SORCS2: variants seen among roughly 807,000 people sequenced by gnomAD.
SORCS2 encodes sortilin related VPS10 domain containing receptor 2, also known as VPS10 domain-containing receptor SorCS2.
Under a neutral mutation model 141.6 loss-of-function variants are expected in SORCS2, and 100 were observed. The ratio of observed to expected loss-of-function variants is 0.71; its 90% CI spans 0.60 to 0.83. The LOEUF (loss-of-function observed/expected upper bound fraction) is 0.83. SORCS2 is among the 40% of genes least tolerant of loss of function. SORCS2 has a pLI of 0.00. For missense variants in SORCS2, 1,646 were observed against 1,560.2 expected (o/e 1.05, Z -0.93); for synonymous variants, 789 against 676.9 (o/e 1.17, Z -2.57).
intron 2 of SORCS2, among the ~76,000 whole-genome samples, chr4:7,417,703 G>A (rs549398031): frequency 2.5e-4 from 38 of 152,308 alleles, no homozygotes; most frequent in African/African-American, 8.9e-4. Context: ...CTGGGCCTCG[G>A]CTTGCCCAGG....
chr4:7,254,605 T>C (rs181089812), intron 1 of SORCS2, among the ~76,000 whole-genome samples: 16 of 152,308 alleles, frequency 1.1e-4, no homozygotes, highest in Admixed American at 9.2e-4. Context: ...ACCATCTATG[T>C]GTATAACAAA....
chr4:7,373,478 A>ATATATATATATATATTTTTTTTTT (rs1470691140), intron 1 of SORCS2, among the ~76,000 whole-genome samples: 1 of 36,818 alleles, frequency 2.7e-5, no homozygotes, highest in Non-Finnish European at 4.1e-5. Flanking sequence ...ATATATATAT[A>ATATATATATATATATTTTTTTTTT]TTTTTTTTTT....
intron 3 of SORCS2, among the ~76,000 whole-genome samples, chr4:7,626,527 C>T (rs375789764): frequency 6.6e-6 from 1 of 152,196 alleles, no homozygotes; most frequent in Non-Finnish European, 1.5e-5. Context: ...TGCTTCATGC[C>T]TCTGTCTCTA....
At chr4:7,633,595 T>C (rs1720038313) in intron 3 of SORCS2, among the ~76,000 whole-genome samples, 1 of 133,320 alleles carries the variant, frequency 7.5e-6, no homozygotes, top group South Asian at 2.4e-4. Context: ...GAATGAGCCT[T>C]CATTCATGTG....
chr4:7,616,749 C>T lies in SORCS2; in HGVS notation c.649-21579C>T, dbSNP rs117316160. Among the ~76,000 whole-genome samples, 7 of 152,368 alleles carry T rather than the reference C, an allele frequency of 4.6e-5. No individual in the cohort carries two copies. In the East Asian group the frequency reaches 1.3e-3, roughly 29 times the overall value. ...GGCTATTACAGGGACATGCTTTATACTCATAACTTAAAGAGCTTGTTTTAA... is the reference window on the plus strand; with the variant it reads ...GGCTATTACAGGGACATGCTTTATATTCATAACTTAAAGAGCTTGTTTTAA... On this transcript the variant is annotated intron_variant, in intron 3 of 26. Coordinates refer to ENST00000507866, the MANE Select transcript of SORCS2 (RefSeq NM_020777.3).
chr4:7,451,526 C>G (rs1465643450), intron 2 of SORCS2, among the ~76,000 whole-genome samples: 1 of 152,270 alleles, frequency 6.6e-6, no homozygotes, highest in Non-Finnish European at 1.5e-5. Flanking sequence ...GAAGAGTGTT[C>G]AGTGGTGACA....
intron 12 of SORCS2, among the ~76,000 whole-genome samples, chr4:7,699,973 G>C (rs1472107316): frequency 2.0e-5 from 3 of 152,172 alleles, no homozygotes; most frequent in Non-Finnish European, 2.9e-5. Context: ...ATGTGCTCTT[G>C]TGACTCCCCA....
chr4:7,232,574 A>T (rs746429948), intron 1 of SORCS2, among the ~76,000 whole-genome samples: 4 of 152,064 alleles, frequency 2.6e-5, no homozygotes, highest in Admixed American at 6.5e-5. Context: ...GTGGTCCGTG[A>T]CCTTTAGACT....
At chr4:7,519,449 T>C (rs1171203628) in intron 2 of SORCS2, among the ~76,000 whole-genome samples, 1 of 152,184 alleles carries the variant, frequency 6.6e-6, no homozygotes, top group African/African-American at 2.4e-5. Flanking sequence ...CCCAGACAAG[T>C]GAGTTCACGT....
chr4:7,260,108 T>C (rs1714217801), intron 1 of SORCS2, among the ~76,000 whole-genome samples: 1 of 152,130 alleles, frequency 6.6e-6, no homozygotes, highest in African/African-American at 2.4e-5. Flanking sequence ...TCTCCCCTTT[T>C]CCCTTTCAGA....
chr4:7,693,294 C>T (rs961290305), intron 11 of SORCS2, among the ~76,000 whole-genome samples: 1 of 152,232 alleles, frequency 6.6e-6, no homozygotes, highest in Non-Finnish European at 1.5e-5. Context: ...GTTTCCTGCT[C>T]CACACCTTCG....
At chr4:7,662,920 G>A (rs892104234) in intron 6 of SORCS2, among the ~76,000 whole-genome samples, 11 of 152,242 alleles carry the variant, frequency 7.2e-5, no homozygotes, top group Non-Finnish European at 1.6e-4. Flanking sequence ...GCCTGACCAT[G>A]GTGAGATGGA....
chr4:7,681,706 C>G (rs1341288766), intron 9 of SORCS2, among the ~76,000 whole-genome samples: 1 of 152,162 alleles, frequency 6.6e-6, no homozygotes, highest in Non-Finnish European at 1.5e-5. Context: ...GTTGTTCTCC[C>G]CATAAGGACC....
intron 1 of SORCS2, among the ~76,000 whole-genome samples, chr4:7,327,139 G>A (rs181519185): frequency 1.4e-3 from 213 of 152,336 alleles, no homozygotes; most frequent in African/African-American, 4.6e-3. Flanking sequence ...TGCAGCTGCC[G>A]CCGCAACGTT....
intron 25 of SORCS2, 65 bp from the exon 26 acceptor site, chr4:7,737,004 G>A (rs1712234757): frequency 7.8e-6 from 12 of 1,540,796 alleles, no homozygotes; most frequent in East Asian, 2.5e-5. Context: ...GCCAGCGGAA[G>A]GCTCCAGGGA....
intron 2 of SORCS2, among the ~76,000 whole-genome samples, chr4:7,403,575 T>C (rs140406286): frequency 1.5e-3 from 222 of 152,172 alleles, no homozygotes; most frequent in African/African-American, 5.2e-3. Flanking sequence ...AGAATACATA[T>C]GGTGTGGTCA....
chr4:7,704,850 C>G (rs1725314638), intron 14 of SORCS2, among the ~76,000 whole-genome samples: 1 of 152,208 alleles, frequency 6.6e-6, no homozygotes, highest in Non-Finnish European at 1.5e-5. Flanking sequence ...GTGAAGGTTC[C>G]TCTGGGTGCC....
At chr4:7,511,669 G>A (rs1368781385) in intron 2 of SORCS2, among the ~76,000 whole-genome samples, 1 of 152,138 alleles carries the variant, frequency 6.6e-6, no homozygotes, top group Non-Finnish European at 1.5e-5. Context: ...TCTGGGGGCT[G>A]GGGACAGGTG....
chr4:7,631,876 G>A (rs534689031), intron 3 of SORCS2, among the ~76,000 whole-genome samples: 1 of 152,344 alleles, frequency 6.6e-6, no homozygotes, highest in South Asian at 2.1e-4. Flanking sequence ...TGTCTTTGAG[G>A]GTGGGAGGGA....
Sources: allele counts gnomAD v4.1 joint callset (sites outside exome capture counted in the v4.1 genomes callset), GRCh38; gene constraint gnomAD v4.1.1; transcripts MANE v1.5; gene names NCBI Gene and HGNC (gene_info 2026-07-23, HGNC 2026-07-21).